SYCP2: variants seen among roughly 807,000 people sequenced by gnomAD.
The protein encoded by SYCP2 is synaptonemal complex lateral element protein.
SYCP2 carries 55 observed loss-of-function variants against 211.3 expected under a neutral mutation model. The observed-to-expected ratio is 0.26, with a 90% CI of 0.21 to 0.33. The LOEUF (loss-of-function observed/expected upper bound fraction) is 0.33. Among genes scored for constraint, SYCP2 ranks in the 10% least tolerant of loss-of-function variants. The pLI is 1.00. For missense variants in SYCP2, 1,731 were observed against 1,752.0 expected, an observed-to-expected ratio of 0.99 and a Z score of 0.21; for synonymous variants, 570 against 555.2, an observed-to-expected ratio of 1.03 and a Z score of -0.37.
In SYCP2 at chr20:59,868,485, C is replaced by T. The variant is rs989924013; in HGVS notation, c.3916G>A (p.Gly1306Arg). The change falls in exon 38 of 45, where the codon GGA becomes AGA. Residue 1306 changes from glycine to arginine, a missense_variant. Coordinates refer to ENST00000357552, the MANE Select transcript of SYCP2 (RefSeq NM_014258.4). ...NSNEVEMEEK[G>R]ERRANLLPKK... ...GGAAGCAAGTTTGCTCTCCTTTCTC[C>T]TTTCTCTTCCATTTCTACTTCATTG... The T allele has an allele frequency of 4.3e-6, 7 of 1,611,268 alleles. No homozygotes were observed. Among genetic ancestry groups the T allele is most frequent in the African/African-American group, 2.7e-5 (2 of 74,738 alleles).
At chr20:59,912,352 T>C (rs1414821798) in intron 13 of SYCP2, 21 bp downstream of exon 13, 2 of 909,860 alleles carry the variant, frequency 2.2e-6, no homozygotes, top group Non-Finnish European at 3.3e-6. Flanking sequence ...ACTAAAATAA[T>C]GTGTTAAATT....
rs1268624632 is a variant in SYCP2, at chr20:59,900,249, T to G, written c.1293A>C (p.Gly431=). Reference sequence around the variant, plus strand: ...TTTCCTTTAAACTAACGAGCTCTTCTCCGACTGGTGAGATTTGACTTTCTG... The same window carrying G: ...TTTCCTTTAAACTAACGAGCTCTTCGCCGACTGGTGAGATTTGACTTTCTG... ...LVPESQISPV[G]EELVSLKEKS... The change falls in exon 18 of 45, where the codon GGA becomes GGC. Residue 431 remains glycine (G), a synonymous_variant. Transcript: ENST00000357552. 1 of 1,611,156 alleles carries G rather than the reference T, an allele frequency of 6.2e-7. No homozygotes were observed. The highest frequency in any genetic ancestry group is 8.5e-7 in the Non-Finnish European group (1 of 1,179,276).
At chr20:59,901,968 T>C (rs2060123995) in intron 15 of SYCP2, among the ~76,000 whole-genome samples, 158 bp from the exon 16 acceptor site, 1 of 152,134 alleles carries the variant, frequency 6.6e-6, no homozygotes, top group Non-Finnish European at 1.5e-5. Context: ...TACTTACCTA[T>C]GTAAATCAAT....
At chr20:59,870,083 C>G in intron 35 of SYCP2, 100 bp from the exon 36 acceptor site, 1 of 708,694 alleles carries the variant, frequency 1.4e-6, no homozygotes, top group Non-Finnish European at 2.2e-6. Context: ...TAAAGCAAAA[C>G]TGCAAAACTA....
intron 34 of SYCP2, among the ~76,000 whole-genome samples, chr20:59,874,984 TTAAG>T (rs905591557): frequency 6.6e-6 from 1 of 151,802 alleles, no homozygotes; most frequent in Non-Finnish European, 1.5e-5. Flanking sequence ...CACATTAAAA[TTAAG>T]TACTTTTTTA....
At chr20:59,908,100 T>G (rs988165346) in intron 14 of SYCP2, among the ~76,000 whole-genome samples, 1 of 151,678 alleles carries the variant, frequency 6.6e-6, no homozygotes, top group Non-Finnish European at 1.5e-5. Context: ...CAAAAAAAAA[T>G]TAGCCGGGCG....
rs1233170369 is a variant in SYCP2, at chr20:59,896,448, T to C, written c.1485A>G (p.Pro495=). 8.2e-6 allele frequency: 13 copies of C among 1,591,906 alleles called. No individual in the cohort carries two copies. The highest frequency in any genetic ancestry group is 1.1e-5 in the Non-Finnish European group (13 of 1,163,306). ...SGADRYTMRS[P]VLFSNTSIPP... Reference sequence around the variant, plus strand: ...ACTTACATGTGTTGCTGAAAAGCACTGGACTTCTCATAGTGTATCTATCTG... The same window carrying C: ...ACTTACATGTGTTGCTGAAAAGCACCGGACTTCTCATAGTGTATCTATCTG... Residue 495 remains proline (P), a synonymous_variant, in exon 19 of 45, where the codon CCA becomes CCG. Transcript: ENST00000357552.
intron 5 of SYCP2, among the ~76,000 whole-genome samples, chr20:59,920,003 CAAT>C (rs1335321932): frequency 6.6e-6 from 1 of 151,306 alleles, no homozygotes; most frequent in Admixed American, 6.6e-5. Flanking sequence ...TTCTAGGTGC[CAAT>C]AATGTAGCAA....
At chr20:59,919,418 G>A (rs2060499338) in intron 6 of SYCP2, 75 bp downstream of exon 6, 22 of 1,127,964 alleles carry the variant, frequency 2.0e-5, no homozygotes, top group Non-Finnish European at 2.7e-5. Context: ...TTAGGCTCAG[G>A]GCACAGAGAA....
chr20:59,875,581 G>A (rs2031664894), intron 33 of SYCP2, 112 bp from the exon 34 acceptor site: 3 of 738,648 alleles, frequency 4.1e-6, no homozygotes, highest in African/African-American at 1.8e-5. Context: ...ACCACATACA[G>A]GCATAACAAG....
In SYCP2 at chr20:59,898,182, C is replaced by G. The variant is rs146824248; in HGVS notation, c.1405-1654G>C. 2.8e-4 allele frequency among the ~76,000 whole-genome samples: 43 copies of G among 152,114 alleles called. No homozygotes were observed. The East Asian group carries it at 8.3e-3, about 29-fold the overall frequency. ...TGGTGATTCCTCAAGGATCTAGAAC[C>G]AGAAATACCATTTGACTCAGCAAAT... On this transcript the variant is annotated intron_variant, in intron 18 of 44. Transcript: ENST00000357552.
chr20:59,892,680 G>A lies in SYCP2; in HGVS notation c.1815C>T (p.Asn605=). The A allele has an allele frequency of 6.2e-7, 1 of 1,607,476 alleles. No homozygotes were observed. Among genetic ancestry groups the A allele is most frequent in the Non-Finnish European group, 8.5e-7 (1 of 1,176,934 alleles). ...DHTILPGVLD[N]ICGNKIHSKW... is the part of the protein sequence containing the mutation. ...TGCTGTGTATTTTATTTCCACAGAT[G>A]TTGTCTAAAACACCAGGTAATCTAG... Residue 605 remains asparagine, a synonymous_variant, in exon 23 of 45, where the codon AAC becomes AAT. Transcript: ENST00000357552.
At chr20:59,925,451 G>T (rs2060617215) in intron 2 of SYCP2, among the ~76,000 whole-genome samples, 1 of 152,048 alleles carries the variant, frequency 6.6e-6, no homozygotes, top group Non-Finnish European at 1.5e-5. Flanking sequence ...GAACAAGGCA[G>T]GCCACACAGA....
chr20:59,891,330 C>G (rs912651830), intron 24 of SYCP2, among the ~76,000 whole-genome samples: 11 of 151,848 alleles, frequency 7.2e-5, no homozygotes, highest in African/African-American at 2.7e-4. Context: ...AATGATTTAC[C>G]CGTAACTGTT....
chr20:59,927,416 T>C (rs1046312896), intron 2 of SYCP2, among the ~76,000 whole-genome samples: 3 of 152,104 alleles, frequency 2.0e-5, no homozygotes, highest in Admixed American at 2.0e-4. Context: ...TAGAGATAAT[T>C]TGGAATGGGA....
At chr20:59,883,929 C>A (rs6027169) in intron 26 of SYCP2, among the ~76,000 whole-genome samples, 18,115 of 151,878 alleles carry the variant, frequency 0.12, 2,474 homozygotes, top group African/African-American at 0.34. Context: ...ACACACAAAG[C>A]TGAATACATT....
chr20:59,919,728 T>C (rs949672510), intron 5 of SYCP2, 131 bp from the exon 6 acceptor site: 17 of 505,632 alleles, frequency 3.4e-5, no homozygotes, highest in African/African-American at 2.6e-4. Context: ...TGTATCAAAA[T>C]AAATTCATGT....
intron 15 of SYCP2, 147 bp from the exon 16 acceptor site, chr20:59,901,957 C>T (rs570865392): frequency 7.0e-6 from 4 of 574,414 alleles, no homozygotes; most frequent in Non-Finnish European, 1.1e-5. Flanking sequence ...AATTCTGGCA[C>T]TACTTACCTA....
intron 24 of SYCP2, among the ~76,000 whole-genome samples, chr20:59,887,341 G>A (rs1050011286): frequency 2.0e-5 from 3 of 152,042 alleles, no homozygotes; most frequent in Admixed American, 1.3e-4. Flanking sequence ...CCTTTTTTAT[G>A]ACTGCATAGT....
Sources: gnomAD v4.1 joint callset for allele counts (sites outside exome capture counted in the v4.1 genomes callset) on GRCh38, gnomAD v4.1.1 for gene constraint, MANE v1.5 for transcripts, NCBI Gene and HGNC (gene_info 2026-07-23, HGNC 2026-07-21) for gene names.